Variants in BIN1 observed in about 807,000 individuals in gnomAD.
BIN1 encodes the protein bridging integrator 1.
In BIN1, 53 loss-of-function variants were observed where a neutral mutation model predicts 82.0. The ratio of observed to expected loss-of-function variants is 0.65; its 90% CI spans 0.52 to 0.81. BIN1 has a LOEUF of 0.81. Ranked by LOEUF, BIN1 falls within the 40% of genes least tolerant of loss-of-function variation. BIN1 has a pLI of 0.00. For missense variants in BIN1, 642 were observed against 784.4 expected, an observed-to-expected ratio of 0.82 and a Z score of 2.17; for synonymous variants, 302 against 328.0, an observed-to-expected ratio of 0.92 and a Z score of 0.86.
intron 1 of BIN1, among the ~76,000 whole-genome samples, chr2:127,099,365 T>C (rs1434086686): frequency 6.6e-6 from 1 of 151,784 alleles, no homozygotes; most frequent in Non-Finnish European, 1.5e-5. Flanking sequence ...TGTGTGTGTG[T>C]GTGTGTGGTA....
At chr2:127,070,177 C>T (rs1573645734) in intron 4 of BIN1, 87 bp from the exon 5 acceptor site, 2 of 1,091,786 alleles carry the variant, frequency 1.8e-6, no homozygotes, top group South Asian at 2.6e-5. Flanking sequence ...CAGCCCCAGC[C>T]CCATCTCTTC....
chr2:127,105,330 TGC>T (rs1680900105), intron 1 of BIN1, among the ~76,000 whole-genome samples: 1 of 152,096 alleles, frequency 6.6e-6, no homozygotes, highest in African/African-American at 2.4e-5. Context: ...GGCCCAGGGC[TGC>T]CTGCTCCAGG....
At position 127,090,809 on chromosome 2, in the gene BIN1, C is replaced by T. The variant is rs770421753; in HGVS notation, c.85-14103G>A. 4.9e-4 allele frequency among the ~76,000 whole-genome samples: 75 copies of T among 152,186 alleles called. 1 individual carries two copies. Among genetic ancestry groups the T allele is most frequent in the Admixed American group, 1.0e-3 (16 of 15,286 alleles). ...GAGCTGGGTGGGAAGGCAACAGCCA[C>T]GGGTCGCCACACACTCCCACAGTCT... On this transcript the variant is annotated intron_variant, in intron 1 of 18. Transcript: ENST00000316724. The surrounding 1 kb of genome is among the most constrained non-coding windows in gnomAD (Gnocchi z 6.4).
intron 11 of BIN1, among the ~76,000 whole-genome samples, chr2:127,058,747 C>T (rs752151522): frequency 6.2e-4 from 94 of 151,926 alleles, no homozygotes; most frequent in Non-Finnish European, 1.1e-3. Context: ...AGACAAAAGA[C>T]CAGGGAGAGG....
At chr2:127,048,663 G>T in intron 18 of BIN1, 30 bp from the exon 19 acceptor site, 1 of 1,602,942 alleles carries the variant, frequency 6.2e-7, no homozygotes, top group Non-Finnish European at 8.5e-7. Flanking sequence ...GTCGCACAGG[G>T]ATGAGCAAGG....
intron 7 of BIN1, among the ~76,000 whole-genome samples, chr2:127,066,857 C>T (rs1006795236): frequency 6.6e-6 from 1 of 152,130 alleles, no homozygotes; most frequent in African/African-American, 2.4e-5. Flanking sequence ...GATCGCTCAG[C>T]CCCAGGAGTT....
In BIN1 at chr2:127,048,556, G is replaced by A. The variant is rs1422298151; in HGVS notation, c.1752C>T (p.Phe584=). ...HKELEKCRGV[F]PENFTERVP ...GGACCCTCTCAGTGAAGTTCTCGGG[G>A]AAGACGCCACGGCACTTCTCCAGCT... is the stretch of plus-strand genomic sequence containing the variant. The change falls in exon 19 of 19, where the codon TTC becomes TTT. Residue 584 remains phenylalanine (F), a synonymous_variant. Coordinates refer to ENST00000316724, the MANE Select transcript of BIN1 (RefSeq NM_139343.3). The A allele has an allele frequency of 5.0e-6, 8 of 1,613,842 alleles. No homozygotes were observed. The highest frequency in any genetic ancestry group is 1.7e-5 in the Admixed American group (1 of 60,026).
At chr2:127,060,533 G>A (rs1197668455) in intron 10 of BIN1, 48 of 1,607,000 alleles carry the variant, frequency 3.0e-5, no homozygotes, top group East Asian at 4.5e-5. Flanking sequence ...GGCGCAAGGC[G>A]CATGCACAGG....
Position 127,053,981 on chromosome 2 carries a change from G to C in BIN1, c.1163C>G (p.Ala388Gly). The change falls in exon 13 of 19, where the codon GCC becomes GGC. Residue 388 changes from alanine (A) to glycine (G), a missense_variant. Transcript: ENST00000316724. ...FEAPGPFSEQASLLDLDFDPL... is the reference protein window; with the variant it reads ...FEAPGPFSEQGSLLDLDFDPL... ...GTCAAAGTCCAGGTCCAGCAGACTG[G>C]CCTGCTCCGAGAAAGGCCCCGGGGC... 7.1e-6 allele frequency: 11 copies of C among 1,551,418 alleles called. No individual in the cohort carries two copies. The highest frequency in any genetic ancestry group is 9.6e-6 in the Non-Finnish European group (11 of 1,146,966).
Position 127,057,808 on chromosome 2 carries a change from G to A in BIN1, c.1003-207C>T, listed in dbSNP as rs573553751. Among the ~76,000 whole-genome samples the A allele has an allele frequency of 7.6e-4, 115 of 151,992 alleles. No homozygotes were observed. The highest frequency in any genetic ancestry group is 2.6e-3 in the African/African-American group (106 of 41,416). On this transcript the variant is annotated intron_variant, in intron 11 of 18. Transcript: ENST00000316724. The surrounding 1 kb of genome is among the most constrained non-coding windows in gnomAD (Gnocchi z 5.0). ...CAAGACCCCAGGCCACCCCCGAGAG[G>A]GACACTGAGGCAGGCGGTCCAGAAA... is the stretch of plus-strand genomic sequence containing the variant.
rs776179428 is a variant in BIN1, at chr2:127,090,886, C to T, written c.85-14180G>A. Among the ~76,000 whole-genome samples the T allele has an allele frequency of 2.0e-5, 3 of 152,198 alleles. No individual in the cohort carries two copies. Among genetic ancestry groups the T allele is most frequent in the African/African-American group, 7.2e-5 (3 of 41,444 alleles). On this transcript the variant is annotated intron_variant, in intron 1 of 18. Coordinates refer to ENST00000316724, the MANE Select transcript of BIN1 (RefSeq NM_139343.3). The surrounding 1 kb of genome is among the most constrained non-coding windows in gnomAD (Gnocchi z 6.4). ...AATGCCAGGCTATGCTGGCCCTTCACATCACCTCCTCCAGGCAGCCTTCCC... is the reference window on the plus strand; with the variant it reads ...AATGCCAGGCTATGCTGGCCCTTCATATCACCTCCTCCAGGCAGCCTTCCC...
In BIN1 at chr2:127,093,086, G is replaced by A. The variant is rs1334969091; in HGVS notation, c.84+13774C>T. Among the ~76,000 whole-genome samples the A allele has an allele frequency of 6.6e-6, 1 of 152,168 alleles. No homozygotes were observed. The highest frequency in any genetic ancestry group is 2.4e-5 in the African/African-American group (1 of 41,452). On this transcript the variant is annotated intron_variant, in intron 1 of 18. Coordinates refer to ENST00000316724, the MANE Select transcript of BIN1 (RefSeq NM_139343.3). The surrounding 1 kb of genome is among the most constrained non-coding windows in gnomAD (Gnocchi z 5.7). Reference sequence around the variant, plus strand: ...TCAGCCCCCAGCCACCCCCACGCTAGGGCTGTCCACAGAGAGAGGGGTCAG... The same window carrying A: ...TCAGCCCCCAGCCACCCCCACGCTAAGGCTGTCCACAGAGAGAGGGGTCAG...
At chr2:127,086,331 C>G (rs578207967) in intron 1 of BIN1, among the ~76,000 whole-genome samples, 3 of 152,260 alleles carry the variant, frequency 2.0e-5, no homozygotes, top group Non-Finnish European at 4.4e-5. Flanking sequence ...CACACTCCAT[C>G]TTGCTTTGAT....
chr2:127,080,860 G>T (rs1025121690), intron 1 of BIN1, among the ~76,000 whole-genome samples: 1 of 152,208 alleles, frequency 6.6e-6, no homozygotes, highest in South Asian at 2.1e-4. Flanking sequence ...GTTCAGCCTC[G>T]CTGGGCCTCG....
chr2:127,096,757 C>A (rs990078579), intron 1 of BIN1, among the ~76,000 whole-genome samples: 1 of 152,334 alleles, frequency 6.6e-6, no homozygotes, highest in South Asian at 2.1e-4. Flanking sequence ...GCCAAAGACC[C>A]TCAAGGGGTC....
chr2:127,054,147 G>A (rs1464985038), intron 12 of BIN1, 135 bp from the exon 13 acceptor site: 11 of 715,466 alleles, frequency 1.5e-5, no homozygotes, highest in East Asian at 2.7e-5. Context: ...CAGAGCAAGC[G>A]CACATACACG....
Position 127,051,354 on chromosome 2 carries a change from T to C in BIN1, c.1372-111A>G, listed in dbSNP as rs886096255. The C allele has an allele frequency of 3.5e-5, 39 of 1,110,144 alleles. No homozygotes were observed. The African/African-American group carries it at 5.6e-4, about 16-fold the overall frequency. 68.8% of individuals were successfully genotyped at this position (1,110,144 alleles called of 1,614,324 possible). A position where few individuals can be genotyped will look rare whatever the true frequency, so the allele number is the denominator to read the frequency against. Reference sequence around the variant, plus strand: ...AAGCGACAGGGCCGGGGGCATCGCCTGGCTGGCAGCAGGGTCTAGAGCTGC... The same window carrying C: ...AAGCGACAGGGCCGGGGGCATCGCCCGGCTGGCAGCAGGGTCTAGAGCTGC... On this transcript the variant is annotated intron_variant, in intron 15 of 18. Transcript: ENST00000316724.
intron 1 of BIN1, among the ~76,000 whole-genome samples, chr2:127,086,180 G>A (rs1055334301): frequency 2.0e-5 from 3 of 152,126 alleles, no homozygotes; most frequent in East Asian, 3.9e-4. Context: ...GGGTCAGGGC[G>A]GTCACTCAGC....
chr2:127,080,009 G>A (rs1165815262), intron 1 of BIN1, among the ~76,000 whole-genome samples: 4 of 152,256 alleles, frequency 2.6e-5, no homozygotes, highest in Non-Finnish European at 4.4e-5. Context: ...CTTGGAAATG[G>A]GAGGAATAAC....
Sources: allele counts gnomAD v4.1 joint callset (sites outside exome capture counted in the v4.1 genomes callset), GRCh38; gene constraint gnomAD v4.1.1; non-coding constraint Gnocchi (gnomAD v3.1); transcripts MANE v1.5; gene names NCBI Gene and HGNC (gene_info 2026-07-23, HGNC 2026-07-21).